Variants in TET2 observed in about 807,000 individuals in gnomAD.
TET2 encodes the protein methylcytosine dioxygenase TET2.
Under a neutral mutation model 142.9 loss-of-function variants are expected in TET2, and 299 were observed. The ratio of observed to expected loss-of-function variants is 2.09; its 90% confidence interval spans 1.90 to 2.30. TET2 has a LOEUF of 2.30. Among genes scored for constraint, TET2 ranks in the 30% most tolerant of loss-of-function variants. TET2 has a pLI of 0.00. For synonymous variants in TET2, 819 were observed against 849.0 expected (o/e 0.96, Z 0.61); for missense variants, 2,418 against 2,378.0 (o/e 1.02, Z -0.35).
intron 2 of TET2, among the ~76,000 whole-genome samples, chr4:105,191,709 T>C (rs1220970293): frequency 3.3e-5 from 5 of 152,126 alleles, no homozygotes; most frequent in Non-Finnish European, 4.4e-5. Context: ...AGAAATCCTT[T>C]CCAGTGTGTC....
intron 7 of TET2, among the ~76,000 whole-genome samples, chr4:105,260,328 G>C (rs1404952408): frequency 1.3e-5 from 2 of 152,010 alleles, no homozygotes; most frequent in Admixed American, 6.6e-5. Flanking sequence ...TTTGCAAATT[G>C]ATAAATTTAA....
Position 105,235,054 on chromosome 4 carries a change from TA to T in TET2, c.1116del (p.Lys372AsnfsTer5). Reference sequence around the variant, plus strand: ...CCTGGTGGCAGCTCTGAACGGTATTTAAAACAAAATGAAATGAATGGTGCTT... The same window carrying T: ...CCTGGTGGCAGCTCTGAACGGTATTTAAACAAAATGAAATGAATGGTGCTT... ...QAPGGSSERY[L>X]KQNEMNGAYF... On this transcript the variant is annotated frameshift_variant, in exon 3 of 11. Coordinates refer to ENST00000380013, the MANE Select transcript of TET2 (RefSeq NM_001127208.3). LOFTEE classifies it high-confidence loss of function. 1 of 1,614,084 alleles carries T rather than the reference TA, an allele frequency of 6.2e-7. No homozygotes were observed. Among genetic ancestry groups the T allele is most frequent in the Non-Finnish European group, 8.5e-7 (1 of 1,180,008 alleles).
intron 2 of TET2, among the ~76,000 whole-genome samples, chr4:105,227,065 A>G (rs13143564): frequency 0.02 from 3,104 of 152,320 alleles, 39 homozygotes; most frequent in Middle Eastern, 0.048. Flanking sequence ...CCAGTTCTCA[A>G]GAGCACATTG....
chr4:105,243,203 C>CTT (rs1401909740), intron 5 of TET2, among the ~76,000 whole-genome samples: 2 of 152,174 alleles, frequency 1.3e-5, no homozygotes, highest in Non-Finnish European at 2.9e-5. Flanking sequence ...TGTCCTTAAA[C>CTT]TTTTAAATAC....
intron 1 of TET2, among the ~76,000 whole-genome samples, chr4:105,154,574 G>A (rs531430711): frequency 2.6e-5 from 4 of 152,152 alleles, no homozygotes; most frequent in Non-Finnish European, 5.9e-5. Context: ...ATTGTGTTTT[G>A]TGATAACAAT....
intron 9 of TET2, 60 bp from the exon 10 acceptor site, chr4:105,272,504 C>G (rs1455320852): frequency 8.6e-7 from 1 of 1,160,068 alleles, no homozygotes; most frequent in Non-Finnish European, 1.2e-6. Context: ...GATACACACA[C>G]ACACACACGT....
upstream of TET2, chr4:105,146,702 G>C (rs1259350268): frequency 2.6e-5 from 4 of 151,932 alleles, no homozygotes; most frequent in African/African-American, 9.7e-5. Context: ...GCAGCGGCGA[G>C]AGCTTGGGCG....
chr4:105,151,161 A>T (rs1468346451), intron 1 of TET2, among the ~76,000 whole-genome samples: 2 of 151,544 alleles, frequency 1.3e-5, no homozygotes, highest in South Asian at 4.2e-4. Context: ...CTCTACAAAA[A>T]ATTTAAAAAG....
At chr4:105,200,419 A>C (rs900455403) in intron 2 of TET2, among the ~76,000 whole-genome samples, 3 of 151,688 alleles carry the variant, frequency 2.0e-5, no homozygotes, top group Non-Finnish European at 4.4e-5. Flanking sequence ...TTTCCTGTAA[A>C]TTTAAGATCC....
At chr4:105,256,169 A>G (rs1455845040) in intron 6 of TET2, among the ~76,000 whole-genome samples, 1 of 152,182 alleles carries the variant, frequency 6.6e-6, no homozygotes, top group Non-Finnish European at 1.5e-5. Flanking sequence ...AAAAATACAT[A>G]TATGATTTCA....
In TET2 at chr4:105,233,935, C is replaced by G; in HGVS notation, c.-8C>G. 2 of 1,606,134 alleles carry G rather than the reference C, an allele frequency of 1.2e-6. No homozygotes were observed. Among genetic ancestry groups the G allele is most frequent in the Non-Finnish European group, 1.7e-6 (2 of 1,177,702 alleles). ...GGCAGCCTTGTGGATGGCCCCGAAG[C>G]AAGCCTGATGGAACAGGATAGAACC... On this transcript the variant is annotated 5_prime_UTR_variant, in exon 3 of 11. Coordinates refer to ENST00000380013, the MANE Select transcript of TET2 (RefSeq NM_001127208.3).
In TET2 at chr4:105,218,649, G is replaced by T. The variant is rs575967437; in HGVS notation, c.-46-15248G>T. On this transcript the variant is annotated intron_variant, in intron 2 of 10. Coordinates refer to ENST00000380013, the MANE Select transcript of TET2 (RefSeq NM_001127208.3). ...AAATTTTTAAAAATTGAGATGTGGG[G>T]TGGTTGTGACTTGCTCACAAACCCA... Among the ~76,000 whole-genome samples, 11 of 152,012 alleles carry T rather than the reference G, an allele frequency of 7.2e-5. No individual in the cohort carries two copies. The East Asian group carries it at 1.4e-3, about 19-fold the overall frequency.
chr4:105,250,380 ATTTTTTTTTTT>A (rs59695275), intron 6 of TET2, among the ~76,000 whole-genome samples: 11 of 60,318 alleles, frequency 1.8e-4, no homozygotes, highest in African/African-American at 3.6e-4. Flanking sequence ...TCCTTTCTGG[ATTTTTTTTTTT>A]TTTTTTTTTT....
intron 1 of TET2, among the ~76,000 whole-genome samples, chr4:105,152,546 GA>G (rs138741813): frequency 9.7e-5 from 14 of 144,368 alleles, no homozygotes; most frequent in Admixed American, 4.8e-4. Flanking sequence ...AATTTAACTA[GA>G]AAAAAAAAGT....
rs1174855847 is a variant in TET2 at position 105,276,808 on chromosome 4, A to G, written c.*289A>G. 6.4e-6 allele frequency: 2 copies of G among 313,026 alleles called. No homozygotes were observed. The highest frequency in any genetic ancestry group is 9.7e-4 in the Middle Eastern group (1 of 1,032). 19.4% of individuals were successfully genotyped at this position (313,026 alleles called of 1,614,324 possible). On this transcript the variant is annotated 3_prime_UTR_variant, in exon 11 of 11. Transcript: ENST00000380013. Reference sequence around the variant, plus strand: ...ATTTACATTTTTAAACACTGGTTCTATTATTGGACGAGATGATATGTAAAT... The same window carrying G: ...ATTTACATTTTTAAACACTGGTTCTGTTATTGGACGAGATGATATGTAAAT...
intron 2 of TET2, among the ~76,000 whole-genome samples, chr4:105,210,792 C>T (rs983987519): frequency 3.3e-5 from 5 of 152,108 alleles, no homozygotes; most frequent in African/African-American, 1.2e-4. Context: ...ATTTCTCTGC[C>T]ACTGCTATTC....
chr4:105,192,418 G>A (rs1488449569), intron 2 of TET2, among the ~76,000 whole-genome samples: 25 of 152,110 alleles, frequency 1.6e-4, no homozygotes, highest in Admixed American at 1.6e-3. Context: ...GTGTTCTTGG[G>A]AAAATTATTT....
At chr4:105,241,474 G>A (rs2110249574) in intron 4 of TET2, 45 bp downstream of exon 4, 1 of 1,514,966 alleles carries the variant, frequency 6.6e-7, no homozygotes, top group African/African-American at 1.4e-5. Flanking sequence ...TTATCCTTTT[G>A]TATATGTCAG....
Position 105,275,802 on chromosome 4 carries a change from T to C in TET2, c.5292T>C (p.His1764=). The C allele has an allele frequency of 6.4e-7, 1 of 1,551,736 alleles. No homozygotes were observed. Among genetic ancestry groups the C allele is most frequent in the Non-Finnish European group, 8.7e-7 (1 of 1,146,996 alleles). Residue 1764 remains histidine, a synonymous_variant, in exon 11 of 11, where the codon CAT becomes CAC. Coordinates refer to ENST00000380013, the MANE Select transcript of TET2 (RefSeq NM_001127208.3). ...ATCATTCACCTTCTCACATAATCCA[T>C]AACTACAGTGCAGCTCCGGGCATGT... The part of the protein sequence containing the change: ...GEHHSPSHII[H]NYSAAPGMFN...
Sources: allele counts gnomAD v4.1 joint callset (sites outside exome capture counted in the v4.1 genomes callset), GRCh38; gene constraint gnomAD v4.1.1; transcripts MANE v1.5; gene names NCBI Gene and HGNC (gene_info 2026-07-23, HGNC 2026-07-21).